The following MACROD2 variants were observed in gnomAD, a reference collection of about 807,000 sequenced individuals.
MACROD2 encodes mono-ADP ribosylhydrolase 2, also known as ADP-ribose glycohydrolase MACROD2.
A neutral mutation model predicts 70.4 loss-of-function variants in MACROD2; 36 were observed. That is an observed-to-expected ratio of 0.51 (90% CI 0.39 to 0.68). The LOEUF (loss-of-function observed/expected upper bound fraction) is 0.68, where lower values mean the gene tolerates loss of function less well. MACROD2 is among the 30% of genes least tolerant of loss of function. MACROD2 has a pLI of 0.00. For missense variants in MACROD2, 496 were observed against 538.4 expected, an observed-to-expected ratio of 0.92 and a Z score of 0.78; for synonymous variants, 172 against 178.8, an observed-to-expected ratio of 0.96 and a Z score of 0.30.
At chr20:14,993,002 A>G (rs2074918431) in intron 5 of MACROD2, among the ~76,000 whole-genome samples, 1 of 152,136 alleles carries the variant, frequency 6.6e-6, no homozygotes, top group Non-Finnish European at 1.5e-5. Flanking sequence ...ATGATCTTCC[A>G]TTGTATTCTG....
At chr20:14,423,286 T>C (rs2083895575) in intron 3 of MACROD2, among the ~76,000 whole-genome samples, 1 of 152,090 alleles carries the variant, frequency 6.6e-6, no homozygotes, top group Admixed American at 6.5e-5. Context: ...AATTAGGCAA[T>C]TGCTTGTTTG....
intron 2 of MACROD2, among the ~76,000 whole-genome samples, chr20:14,043,561 T>C (rs1369908945): frequency 6.6e-6 from 1 of 152,164 alleles, no homozygotes; most frequent in African/African-American, 2.4e-5. Flanking sequence ...GAAATGTGAT[T>C]GGACAAAAAG....
chr20:14,253,249 A>T (rs932603775), intron 3 of MACROD2, among the ~76,000 whole-genome samples: 2 of 152,032 alleles, frequency 1.3e-5, no homozygotes, highest in Non-Finnish European at 2.9e-5. Context: ...TTTACTTCAG[A>T]TAACATGGTA....
At chr20:14,621,979 G>T (rs1053169025) in intron 4 of MACROD2, 1 of 152,034 alleles carries the variant, frequency 6.6e-6, no homozygotes, top group Admixed American at 6.6e-5. Context: ...CCATATATAG[G>T]AATGTGTGTA....
intron 8 of MACROD2, among the ~76,000 whole-genome samples, chr20:15,541,369 T>G (rs2146567799): frequency 6.6e-6 from 1 of 152,276 alleles, no homozygotes; most frequent in African/African-American, 2.4e-5. Flanking sequence ...GCCTGGAAAT[T>G]TTAAAAATCA....
chr20:15,393,775 T>C (rs1468612057), intron 6 of MACROD2, among the ~76,000 whole-genome samples: 1 of 152,216 alleles, frequency 6.6e-6, no homozygotes, highest in East Asian at 1.9e-4. Flanking sequence ...ACAAGTCCTT[T>C]GGAACCATCC....
rs777729129 is a variant in MACROD2 at position 15,230,044 on chromosome 20, A to C, written c.523A>C (p.Asn175His). 6.2e-7 allele frequency: 1 copy of C among 1,613,470 alleles called. No individual in the cohort carries two copies. Among genetic ancestry groups the C allele is most frequent in the South Asian group, 1.1e-5 (1 of 90,994 alleles). The change falls in exon 6 of 18, where the codon AAT becomes CAT. Residue 175 changes from asparagine (N) to histidine (H), a missense_variant. Physicochemically the swap from Asn to His is moderately conservative, Grantham distance 68 (BLOSUM62 1). Transcript: ENST00000684519. ...ATCATCTCTGAAGCTCGTGAAAGAA[A>C]ATAACATCCGATCAGTTGTAAGTAA... ...YKSSLKLVKE[N>H]NIRSVAFPCI...
At chr20:15,096,806 T>G (rs1180661194) in intron 5 of MACROD2, among the ~76,000 whole-genome samples, 1 of 116,080 alleles carries the variant, frequency 8.6e-6, no homozygotes, top group African/African-American at 3.5e-5. Context: ...GCCACTATGC[T>G]AATTTTTTTT....
intron 8 of MACROD2, among the ~76,000 whole-genome samples, chr20:15,846,758 A>T (rs1471206822): frequency 6.6e-6 from 1 of 152,036 alleles, no homozygotes; most frequent in East Asian, 1.9e-4. Context: ...CTGCTAACTG[A>T]GATAGAAAAC....
chr20:14,012,957 C>T (rs2052934371), intron 2 of MACROD2, among the ~76,000 whole-genome samples: 2 of 152,112 alleles, frequency 1.3e-5, no homozygotes, highest in African/African-American at 4.8e-5. Context: ...GTTTACCTTT[C>T]TCTTGACTGA....
intron 4 of MACROD2, among the ~76,000 whole-genome samples, chr20:14,582,245 G>T (rs1295701364): frequency 6.6e-6 from 1 of 151,872 alleles, no homozygotes; most frequent in African/African-American, 2.4e-5. Flanking sequence ...CTTCTCTATT[G>T]TGTTTTTAAA....
At chr20:15,936,052 A>G (rs1258256756) in intron 11 of MACROD2, among the ~76,000 whole-genome samples, 3 of 152,012 alleles carry the variant, frequency 2.0e-5, no homozygotes, top group Admixed American at 1.3e-4. Context: ...AAAATAAGTG[A>G]TTTGTGATTT....
At chr20:15,066,986 T>C (rs752960247) in intron 5 of MACROD2, among the ~76,000 whole-genome samples, 7 of 151,774 alleles carry the variant, frequency 4.6e-5, no homozygotes, top group Non-Finnish European at 1.0e-4. Flanking sequence ...TACAGTCAAA[T>C]TTCAAAACAA....
At chr20:14,521,968 C>T (rs751389759) in intron 4 of MACROD2, among the ~76,000 whole-genome samples, 2 of 152,120 alleles carry the variant, frequency 1.3e-5, no homozygotes, top group Non-Finnish European at 2.9e-5. Flanking sequence ...CACTCCCCAC[C>T]AATGCAGACA....
chr20:14,400,089 C>G (rs1207677186), intron 3 of MACROD2, among the ~76,000 whole-genome samples: 2 of 151,668 alleles, frequency 1.3e-5, no homozygotes, highest in Admixed American at 1.3e-4. Flanking sequence ...TTTTTCTTGT[C>G]TTAGTAAGCA....
At chr20:14,179,043 T>G (rs1365110706) in intron 3 of MACROD2, among the ~76,000 whole-genome samples, 1 of 152,092 alleles carries the variant, frequency 6.6e-6, no homozygotes, top group Non-Finnish European at 1.5e-5. Context: ...GACTTTTACC[T>G]CTGGGTGAGA....
chr20:14,430,293 T>C (rs2083980495), intron 3 of MACROD2, among the ~76,000 whole-genome samples: 1 of 152,136 alleles, frequency 6.6e-6, no homozygotes, highest in South Asian at 2.1e-4. Context: ...AGGATTTTGC[T>C]TCCACATAGT....
At chr20:15,899,300 G>C (rs1201132152) in intron 10 of MACROD2, among the ~76,000 whole-genome samples, 3 of 151,814 alleles carry the variant, frequency 2.0e-5, no homozygotes, top group Non-Finnish European at 4.4e-5. Context: ...ATACACATAT[G>C]TGTGTACATA....
intron 4 of MACROD2, among the ~76,000 whole-genome samples, chr20:14,503,997 G>A (rs1485910968): frequency 6.6e-6 from 1 of 152,198 alleles, no homozygotes; most frequent in African/African-American, 2.4e-5. Context: ...AGGCCTCTCT[G>A]CATGCCCTGG....
Sources: allele counts gnomAD v4.1 joint callset (sites outside exome capture counted in the v4.1 genomes callset), GRCh38; gene constraint gnomAD v4.1.1; transcripts MANE v1.5; gene names NCBI Gene and HGNC (gene_info 2026-07-23, HGNC 2026-07-21).